Variants in PBX3 observed in about 807,000 individuals in gnomAD.
PBX3 encodes PBX homeobox 3.
PBX3 carries 14 observed loss-of-function variants against 48.5 expected under a neutral mutation model. That is an observed-to-expected ratio of 0.29 (90% CI 0.19 to 0.45). The LOEUF (loss-of-function observed/expected upper bound fraction) is 0.45, where lower values mean the gene tolerates loss of function less well. Ranked by LOEUF, PBX3 falls within the 20% of genes least tolerant of loss-of-function variation. The pLI is 1.00. For missense variants in PBX3, 386 were observed against 546.7 expected (o/e 0.71, Z 2.93); for synonymous variants, 210 against 200.3 (o/e 1.05, Z -0.41).
chr9:125,875,061 C>T (rs1840215930), intron 2 of PBX3, among the ~76,000 whole-genome samples: 2 of 152,172 alleles, frequency 1.3e-5, no homozygotes, highest in South Asian at 4.1e-4. Flanking sequence ...CAGGAAACTT[C>T]TGCTTCTGGC....
At chr9:125,912,316 G>A (rs1841222425) in intron 2 of PBX3, among the ~76,000 whole-genome samples, 3 of 152,098 alleles carry the variant, frequency 2.0e-5, no homozygotes, top group Admixed American at 6.6e-5. Flanking sequence ...TGGGCTTTAG[G>A]TACTTTTCAC....
chr9:125,925,368 A>G (rs1448423565), intron 3 of PBX3, among the ~76,000 whole-genome samples: 3 of 152,160 alleles, frequency 2.0e-5, no homozygotes, highest in Non-Finnish European at 2.9e-5. Context: ...ATGTGCTGTC[A>G]ATGTAAAATA....
intron 2 of PBX3, among the ~76,000 whole-genome samples, chr9:125,795,102 G>T (rs1469138710): frequency 1.3e-5 from 2 of 152,154 alleles, no homozygotes; most frequent in African/African-American, 4.8e-5. Flanking sequence ...TCCCTTACAT[G>T]TACAGGCTCC....
intron 5 of PBX3, among the ~76,000 whole-genome samples, chr9:125,939,217 C>CTTCCTGG: frequency 1.3e-5 from 2 of 151,904 alleles, no homozygotes; most frequent in African/African-American, 4.8e-5. Context: ...GTATAAGCAA[C>CTTCCTGG]AGAGGATTAA....
chr9:125,835,064 T>C (rs1427172220), intron 2 of PBX3, among the ~76,000 whole-genome samples: 1 of 80,382 alleles, frequency 1.2e-5, no homozygotes, highest in Non-Finnish European at 2.8e-5. Context: ...GCAAAAGATA[T>C]GAAAAGACAA....
At chr9:125,889,896 CGCCCCGAAAGCCGCGGGGCAGAGCGCCCT>C (rs1233372182) in intron 2 of PBX3, among the ~76,000 whole-genome samples, 1 of 148,992 alleles carries the variant, frequency 6.7e-6, no homozygotes, top group Non-Finnish European at 1.5e-5. Flanking sequence ...CTGCCCGGCG[CGCCCCGAAAGCCGCGGGGCAGAGCGCCCT>C]GAGCGGTCCC....
intron 2 of PBX3, among the ~76,000 whole-genome samples, chr9:125,778,048 C>G (rs1837125294): frequency 6.7e-6 from 1 of 149,092 alleles, no homozygotes; most frequent in African/African-American, 2.5e-5. Context: ...GCAACCTCCT[C>G]CTCCCAGGTT....
intron 2 of PBX3, among the ~76,000 whole-genome samples, chr9:125,749,929 A>G (rs1257546117): frequency 6.6e-6 from 1 of 152,210 alleles, no homozygotes; most frequent in African/African-American, 2.4e-5. Context: ...TCATTCACAT[A>G]TTATGGCTGG....
chr9:125,913,546 A>G (rs1280563559), intron 2 of PBX3, among the ~76,000 whole-genome samples: 1 of 152,062 alleles, frequency 6.6e-6, no homozygotes, highest in Non-Finnish European at 1.5e-5. Context: ...ATTTGTTCCT[A>G]ATGAATTTCC....
chr9:125,820,594 G>C (rs1402079307), intron 2 of PBX3, among the ~76,000 whole-genome samples: 1 of 152,216 alleles, frequency 6.6e-6, no homozygotes, highest in Non-Finnish European at 1.5e-5. Context: ...TCTGTCTGAC[G>C]TGTGAAGATT....
intron 2 of PBX3, among the ~76,000 whole-genome samples, chr9:125,788,472 A>G (rs2132055456): frequency 6.6e-6 from 1 of 152,352 alleles, no homozygotes; most frequent in East Asian, 1.9e-4. Context: ...TACTTTCGTT[A>G]TAATTTGTTA....
At chr9:125,762,277 G>C (rs1472338716) in intron 2 of PBX3, among the ~76,000 whole-genome samples, 1 of 152,064 alleles carries the variant, frequency 6.6e-6, no homozygotes, top group East Asian at 1.9e-4. Flanking sequence ...CTTTAAGAGA[G>C]TTAACTGATT....
chr9:125,843,951 G>A (rs1839357196), intron 2 of PBX3: 1 of 299,320 alleles, frequency 3.3e-6, no homozygotes. Flanking sequence ...CTGGAAATGT[G>A]TTAAGATGAA....
intron 2 of PBX3, among the ~76,000 whole-genome samples, chr9:125,833,885 A>G (rs995311236): frequency 6.6e-6 from 1 of 152,228 alleles, no homozygotes; most frequent in African/African-American, 2.4e-5. Flanking sequence ...GCTAGGTCAT[A>G]GATAACTATG....
At chr9:125,748,754 C>T (rs1345359581) in intron 2 of PBX3, 131 bp downstream of exon 2, 7 of 616,112 alleles carry the variant, frequency 1.1e-5, no homozygotes, top group Non-Finnish European at 1.7e-5. Flanking sequence ...CTTCCCACGT[C>T]CTGATCTTGA....
chr9:125,898,462 A>AT (rs1315085680), intron 2 of PBX3, among the ~76,000 whole-genome samples: 8 of 150,874 alleles, frequency 5.3e-5, no homozygotes, highest in Non-Finnish European at 1.0e-4. Flanking sequence ...AAAAAAAAAT[A>AT]AAAAAAAGGG....
At chr9:125,839,923 AAAGCAAAAGCTTTCAGAAACCTGT>A (rs1839242277) in intron 2 of PBX3, among the ~76,000 whole-genome samples, 1 of 152,160 alleles carries the variant, frequency 6.6e-6, no homozygotes, top group Non-Finnish European at 1.5e-5. Flanking sequence ...TTCTTAGTAT[AAAGCAAAAGCTTTCAGAAACCTGT>A]ACAGTGTTCT....
intron 5 of PBX3, among the ~76,000 whole-genome samples, chr9:125,956,838 A>ACAGACCATTC (rs1291015675): frequency 1.3e-5 from 2 of 152,144 alleles, no homozygotes; most frequent in Non-Finnish European, 2.9e-5. Flanking sequence ...GGACCACTGT[A>ACAGACCATTC]CAGACCATTC....
chr9:125,800,030 CAGT>C lies in PBX3; in HGVS notation c.274+51409_274+51411del, dbSNP rs768280586. ...ATTATTAATTCAATTATTTTTATGA[CAGT>C]AATAATAATTGTAGTAATAAATGCT... On this transcript the variant is annotated intron_variant, in intron 2 of 8. Transcript: ENST00000373489. Among the ~76,000 whole-genome samples, 6 of 152,178 alleles carry C rather than the reference CAGT, an allele frequency of 3.9e-5. No individual in the cohort carries two copies. In the East Asian group the frequency reaches 9.6e-4, roughly 24 times the overall value.
Sources: gnomAD v4.1 joint callset for allele counts (sites outside exome capture counted in the v4.1 genomes callset) on GRCh38, gnomAD v4.1.1 for gene constraint, MANE v1.5 for transcripts, NCBI Gene and HGNC (gene_info 2026-07-23, HGNC 2026-07-21) for gene names.